Variants in PCDHA8 observed in about 807,000 individuals in gnomAD.
The protein encoded by PCDHA8 is protocadherin alpha 8, also known as protocadherin alpha-8.
In PCDHA8, 53 loss-of-function variants were observed where a neutral mutation model predicts 61.8. The observed-to-expected ratio is 0.86, with a 90% CI of 0.69 to 1.08. PCDHA8 has a LOEUF of 1.08. Ranked by LOEUF, PCDHA8 falls within the 50% of genes least tolerant of loss-of-function variation. PCDHA8 has a pLI of 0.00. For missense variants in PCDHA8, 1,293 were observed against 1,245.0 expected, an observed-to-expected ratio of 1.04 and a Z score of -0.58; for synonymous variants, 618 against 556.6, an observed-to-expected ratio of 1.11 and a Z score of -1.55.
chr5:140,875,216 A>T, intron 1 of PCDHA8: 1 of 717,612 alleles, frequency 1.4e-6, no homozygotes, highest in East Asian at 3.2e-5. Flanking sequence ...ACCGAAAAGA[A>T]CCTCAGGATC....
At chr5:140,993,569 A>G (rs1311165766) in intron 3 of PCDHA8, among the ~76,000 whole-genome samples, 1 of 151,734 alleles carries the variant, frequency 6.6e-6, no homozygotes, top group East Asian at 1.9e-4. Flanking sequence ...TATCCTTTCT[A>G]GGGATGCTTT....
chr5:140,959,000 G>A (rs1239762631), intron 1 of PCDHA8, among the ~76,000 whole-genome samples: 1 of 151,884 alleles, frequency 6.6e-6, no homozygotes, highest in Admixed American at 6.6e-5. Flanking sequence ...ATCTTTTACT[G>A]TACCTAATTT....
At chr5:140,909,269 A>G (rs1554193726) in intron 1 of PCDHA8, among the ~76,000 whole-genome samples, 1 of 152,240 alleles carries the variant, frequency 6.6e-6, no homozygotes, top group Admixed American at 6.5e-5. Context: ...CTGAAGGCAA[A>G]TTGCTTCTGG....
chr5:140,854,220 C>A, intron 1 of PCDHA8: 2 of 616,474 alleles, frequency 3.2e-6, no homozygotes, highest in Non-Finnish European at 4.0e-6. Context: ...TATTGGACAT[C>A]TACATTGGGA....
chr5:140,914,317 A>G (rs1016365389), intron 1 of PCDHA8, among the ~76,000 whole-genome samples: 15 of 152,122 alleles, frequency 9.9e-5, no homozygotes, highest in Non-Finnish European at 2.9e-5. Flanking sequence ...CCCCATTATC[A>G]TTGTACAAAG....
intron 1 of PCDHA8, among the ~76,000 whole-genome samples, chr5:140,872,848 A>T: frequency 1.3e-5 from 2 of 152,332 alleles, no homozygotes; most frequent in African/African-American, 4.8e-5. Context: ...AAATATATTA[A>T]TGTGAGTACC....
intron 1 of PCDHA8, among the ~76,000 whole-genome samples, chr5:140,879,652 TAACA>T (rs2058069934): frequency 6.6e-6 from 1 of 152,226 alleles, no homozygotes; most frequent in African/African-American, 2.4e-5. Context: ...GTGGCTGCTA[TAACA>T]AACGAACACA....
At chr5:140,938,907 A>T (rs2092260332) in intron 1 of PCDHA8, among the ~76,000 whole-genome samples, 1 of 152,090 alleles carries the variant, frequency 6.6e-6, no homozygotes, top group Non-Finnish European at 1.5e-5. Context: ...GCACACACAC[A>T]CACGCACAAG....
At chr5:140,986,019 G>A (rs562523452) in intron 3 of PCDHA8, among the ~76,000 whole-genome samples, 66 of 152,154 alleles carry the variant, frequency 4.3e-4, no homozygotes, top group Middle Eastern at 3.4e-3. Flanking sequence ...GATTACAGGC[G>A]TGAGCCACTG....
intron 3 of PCDHA8, among the ~76,000 whole-genome samples, chr5:141,000,421 A>ATTTTTTTTTTT (rs34755515): frequency 3.6e-5 from 1 of 27,968 alleles, no homozygotes; most frequent in Non-Finnish European, 5.7e-5. Context: ...ATATATATAT[A>ATTTTTTTTTTT]TTTTTTTTTT....
intron 3 of PCDHA8, among the ~76,000 whole-genome samples, chr5:141,000,533 T>G (rs1554257655): frequency 3.4e-5 from 5 of 147,384 alleles, no homozygotes; most frequent in Admixed American, 1.4e-4. Context: ...GTTCAAGTGA[T>G]TCTCATGCCT....
intron 1 of PCDHA8, among the ~76,000 whole-genome samples, chr5:140,924,898 AAAAAAAATAAAAT>A (rs1214088536): frequency 1.9e-4 from 10 of 53,034 alleles, no homozygotes; most frequent in Non-Finnish European, 1.3e-4. Context: ...CTGTCTCAAA[AAAAAAAATAAAAT>A]AAAATAAAAT....
Position 141,009,798 on chromosome 5 carries a change from A to G in PCDHA8, c.2714A>G (p.Asn905Ser). Residue 905 changes from asparagine (N) to serine (S), a missense_variant, in exon 4 of 4, where the codon AAC (asparagine) becomes AGC (serine). Physicochemically the swap from Asn to Ser is conservative, Grantham distance 46. Transcript: ENST00000531613. ...AIISIRQEPT[N>S]SQIDKSDFIT... The stretch of plus-strand genomic sequence containing the variant: ...ATCTCCATCCGGCAGGAGCCTACTA[A>G]CAGCCAAATTGACAAAAGTGACTTC... 2 of 1,614,116 alleles carry G rather than the reference A, an allele frequency of 1.2e-6. No homozygotes were observed. Among genetic ancestry groups the G allele is most frequent in the Non-Finnish European group, 1.7e-6 (2 of 1,180,014 alleles).
At chr5:140,996,308 A>G (rs997099218) in intron 3 of PCDHA8, among the ~76,000 whole-genome samples, 4 of 152,240 alleles carry the variant, frequency 2.6e-5, no homozygotes, top group African/African-American at 9.6e-5. Flanking sequence ...GTAACAAAGT[A>G]AGGGGGGAGG....
intron 1 of PCDHA8, chr5:140,870,020 C>CT (rs2051592109): frequency 6.2e-7 from 1 of 1,613,394 alleles, no homozygotes; most frequent in Admixed American, 1.7e-5. Context: ...GTCAATGGAA[C>CT]TTTAGATTAT....
chr5:140,935,318 T>A (rs1554210460), intron 1 of PCDHA8, among the ~76,000 whole-genome samples: 1 of 152,194 alleles, frequency 6.6e-6, no homozygotes, highest in African/African-American at 2.4e-5. Flanking sequence ...TTCATCAATC[T>A]TACATTCCTA....
chr5:140,865,091 A>G (rs1010954942), intron 1 of PCDHA8: 3 of 152,218 alleles, frequency 2.0e-5, no homozygotes, highest in Non-Finnish European at 4.4e-5. Context: ...GATATTAATA[A>G]AGGCACTTCC....
At chr5:140,863,248 G>A (rs782700291) in intron 1 of PCDHA8, 2 of 1,396,062 alleles carry the variant, frequency 1.4e-6, no homozygotes, top group Non-Finnish European at 9.8e-7. Flanking sequence ...TTTGGCGGGC[G>A]TCGAGGTCCG....
intron 1 of PCDHA8, among the ~76,000 whole-genome samples, chr5:140,965,602 A>G (rs1319736678): frequency 6.6e-6 from 1 of 152,126 alleles, no homozygotes; most frequent in African/African-American, 2.4e-5. Context: ...AGACTCTTGA[A>G]GACATTGTCA....
Sources: gnomAD v4.1 joint callset for allele counts (sites outside exome capture counted in the v4.1 genomes callset) on GRCh38, gnomAD v4.1.1 for gene constraint, MANE v1.5 for transcripts, NCBI Gene and HGNC (gene_info 2026-07-23, HGNC 2026-07-21) for gene names.